Variants in CDH2 observed in about 807,000 individuals in gnomAD.
CDH2 encodes the protein cadherin-2.
CDH2 carries 17 observed loss-of-function variants against 92.0 expected under a neutral mutation model. That is an observed-to-expected ratio of 0.18 (90% CI 0.13 to 0.28). The LOEUF is 0.28. CDH2 is among the 10% of genes least tolerant of loss of function. CDH2 has a pLI of 1.00. For missense variants in CDH2, 862 were observed against 1,133.1 expected, an observed-to-expected ratio of 0.76 and a Z score of 3.44; for synonymous variants, 419 against 415.9, an observed-to-expected ratio of 1.01 and a Z score of -0.09.
chr18:28,172,540 GAC>G (rs1356443290), intron 1 of CDH2, among the ~76,000 whole-genome samples: 3 of 152,126 alleles, frequency 2.0e-5, no homozygotes, highest in Non-Finnish European at 2.9e-5. Flanking sequence ...AGAAATGTGA[GAC>G]ACAGTGATTT....
chr18:28,063,425 T>C (rs1277619427), intron 2 of CDH2, among the ~76,000 whole-genome samples: 1 of 152,148 alleles, frequency 6.6e-6, no homozygotes, highest in African/African-American at 2.4e-5. Flanking sequence ...CTTTGAGGAA[T>C]TGTTCTGTGA....
chr18:28,110,144 A>AG (rs2015387741), intron 2 of CDH2, among the ~76,000 whole-genome samples: 1 of 152,200 alleles, frequency 6.6e-6, no homozygotes, highest in African/African-American at 2.4e-5. Context: ...AAATGAGAAC[A>AG]CACTCATGCT....
intron 2 of CDH2, among the ~76,000 whole-genome samples, chr18:28,039,455 G>T (rs1054722868): frequency 6.6e-6 from 1 of 152,142 alleles, no homozygotes. Flanking sequence ...ACTCCAGGCT[G>T]AGTAGGCAGC....
At chr18:27,975,577 C>A (rs748548378) in intron 14 of CDH2, among the ~76,000 whole-genome samples, 1 of 152,212 alleles carries the variant, frequency 6.6e-6, no homozygotes, top group Non-Finnish European at 1.5e-5. Flanking sequence ...GGTGGGGTGC[C>A]TGCCACCCCA....
chr18:28,141,286 A>C (rs1598503133), intron 2 of CDH2, among the ~76,000 whole-genome samples: 1 of 152,154 alleles, frequency 6.6e-6, no homozygotes, highest in East Asian at 1.9e-4. Flanking sequence ...GTATATGAAC[A>C]AACTCCAAAA....
chr18:28,072,463 T>C (rs920483827), intron 2 of CDH2, among the ~76,000 whole-genome samples: 3 of 152,180 alleles, frequency 2.0e-5, no homozygotes, highest in African/African-American at 7.2e-5. Flanking sequence ...TTGTTCTCTG[T>C]CCTTTTCCTT....
rs1034561913 is a variant in CDH2 at position 28,147,799 on chromosome 18, A to G, written c.61-15T>C. ...TCTACAGACGCCTGCAACACAAGAAAAAAAAAAAAAATGTGTGCAATGATT... is the reference window on the plus strand; with the variant it reads ...TCTACAGACGCCTGCAACACAAGAAGAAAAAAAAAAATGTGTGCAATGATT... On this transcript the variant is annotated splice_polypyrimidine_tract_variant and intron_variant, in intron 1 of 15. Transcript: ENST00000269141. 2.9e-6 allele frequency: 4 copies of G among 1,393,122 alleles called. No individual in the cohort carries two copies. Among genetic ancestry groups the G allele is most frequent in the Non-Finnish European group, 3.0e-6 (3 of 1,003,902 alleles). The allele number at this position is 1,393,122 out of a possible 1,614,324, so 86.3% of individuals were successfully genotyped here. A position where few individuals can be genotyped will look rare whatever the true frequency, so the allele number is the denominator to read the frequency against.
At chr18:27,971,783 A>T (rs1448789138) in intron 14 of CDH2, among the ~76,000 whole-genome samples, 1 of 152,216 alleles carries the variant, frequency 6.6e-6, no homozygotes. Flanking sequence ...ATCATTAACA[A>T]AGCATGCTTT....
intron 15 of CDH2, among the ~76,000 whole-genome samples, 156 bp downstream of exon 15, chr18:27,963,197 TAATG>T (rs1030982187): frequency 1.3e-5 from 2 of 152,230 alleles, no homozygotes; most frequent in African/African-American, 4.8e-5. Context: ...CATTTGTTGT[TAATG>T]AAGCCACATT....
intron 1 of CDH2, among the ~76,000 whole-genome samples, chr18:28,157,896 A>T (rs2016246187): frequency 6.6e-6 from 1 of 152,188 alleles, no homozygotes; most frequent in Non-Finnish European, 1.5e-5. Context: ...GTATACATGG[A>T]AAGTTATCAG....
Position 28,070,482 on chromosome 18 carries a change from T to C in CDH2, c.173-56573A>G, listed in dbSNP as rs145581259. 4.3e-4 allele frequency among the ~76,000 whole-genome samples: 66 copies of C among 152,312 alleles called. 1 individual carries two copies. The East Asian group carries it at 5.0e-3, about 12-fold the overall frequency. On this transcript the variant is annotated intron_variant, in intron 2 of 15. Coordinates refer to ENST00000269141, the MANE Select transcript of CDH2 (RefSeq NM_001792.5). The stretch of plus-strand genomic sequence containing the variant: ...TTCCATGGCACCAGGTTGTCTCCTG[T>C]AGCATGAGACTATAATCGACCAACA...
intron 2 of CDH2, among the ~76,000 whole-genome samples, chr18:28,024,692 G>C (rs1483486026): frequency 1.3e-5 from 2 of 151,638 alleles, no homozygotes; most frequent in East Asian, 3.9e-4. Flanking sequence ...TAGTAATTTA[G>C]TGTCCAGAGA....
intron 5 of CDH2, among the ~76,000 whole-genome samples, chr18:28,007,165 A>AAAAAAAAAAATATATATATATATATATAT (rs1172779200): frequency 9.1e-6 from 1 of 110,460 alleles, no homozygotes; most frequent in African/African-American, 4.4e-5. Context: ...ATAAAAAAAA[A>AAAAAAAAAAATATATATATATATATATAT]ATATATATAT....
rs960611067 is a variant in CDH2, at chr18:27,999,121, T to C, written c.1020+3876A>G. ...AGAGGGTAAGGATTAGCCTGTTATG[T>C]AGGAGAACAATATTTAGGCAGAGGA... On this transcript the variant is annotated intron_variant, in intron 7 of 15. Coordinates refer to ENST00000269141, the MANE Select transcript of CDH2 (RefSeq NM_001792.5). 3.3e-5 allele frequency among the ~76,000 whole-genome samples: 5 copies of C among 152,220 alleles called. No individual in the cohort carries two copies. The South Asian group carries it at 1.0e-3, about 32-fold the overall frequency.
Position 27,980,541 on chromosome 18 carries a change from AT to A in CDH2, c.2349+2402del, listed in dbSNP as rs2012012851. ...TGTTATGAGGTTAAAAATTAGATGC[AT>A]AAAAACCCCATTATATAATTTTGTC... is the stretch of plus-strand genomic sequence containing the variant. On this transcript the variant is annotated intron_variant, in intron 14 of 15. Coordinates refer to ENST00000269141, the MANE Select transcript of CDH2 (RefSeq NM_001792.5). Among the ~76,000 whole-genome samples the A allele has an allele frequency of 2.6e-5, 4 of 152,192 alleles. No homozygotes were observed. The South Asian group carries it at 6.2e-4, about 24-fold the overall frequency.
At chr18:28,072,695 G>A (rs1243724005) in intron 2 of CDH2, among the ~76,000 whole-genome samples, 1 of 152,210 alleles carries the variant, frequency 6.6e-6, no homozygotes, top group African/African-American at 2.4e-5. Context: ...GGCTTTCTGA[G>A]CTTTATGATG....
chr18:28,155,891 C>G (rs967119642), intron 1 of CDH2, among the ~76,000 whole-genome samples: 2 of 152,200 alleles, frequency 1.3e-5, no homozygotes, highest in Non-Finnish European at 2.9e-5. Context: ...TCAAGATTTT[C>G]TCTGTGTCAG....
At chr18:28,131,462 T>G (rs887542798) in intron 2 of CDH2, among the ~76,000 whole-genome samples, 1 of 152,144 alleles carries the variant, frequency 6.6e-6, no homozygotes, top group Non-Finnish European at 1.5e-5. Flanking sequence ...TACAGAACAT[T>G]TGACAGAATC....
chr18:28,126,304 C>T (rs1598492885), intron 2 of CDH2, among the ~76,000 whole-genome samples: 3 of 152,076 alleles, frequency 2.0e-5, no homozygotes, highest in African/African-American at 7.2e-5. Context: ...ATAAAACTTC[C>T]AAAAATCAAA....
Sources: gnomAD v4.1 joint callset for allele counts (sites outside exome capture counted in the v4.1 genomes callset) on GRCh38, gnomAD v4.1.1 for gene constraint, MANE v1.5 for transcripts, NCBI Gene and HGNC (gene_info 2026-07-23, HGNC 2026-07-21) for gene names.